Variants in TENM1 observed in about 807,000 individuals in gnomAD.
TENM1 encodes the protein teneurin-1.
A neutral mutation model predicts 174.8 loss-of-function variants in TENM1; 35 were observed. That is an observed-to-expected ratio of 0.20 (90% CI 0.15 to 0.27). The LOEUF (loss-of-function observed/expected upper bound fraction) is 0.27. TENM1 is among the 10% of genes least tolerant of loss of function. The pLI, the probability that TENM1 is intolerant of heterozygous loss-of-function variation, is 1.00. For missense variants in TENM1, 1,633 were observed against 2,130.1 expected (o/e 0.77, Z 4.59); for synonymous variants, 781 against 798.7 (o/e 0.98, Z 0.37).
exon 32 of TENM1, chrX:124,380,864 C>T (rs780693459): frequency 8.3e-7 from 1 of 1,209,687 alleles, no homozygotes; most frequent in South Asian, 1.8e-5. Flanking sequence ...TGCAAACCGT[C>T]TAGTCCTCCC....
chrX:125,199,758 C>G, the TENM1 span, among the ~76,000 whole-genome samples: 1 of 111,663 alleles, frequency 9.0e-6, no homozygotes, highest in South Asian at 3.7e-4. Context: ...GGATCCATGT[C>G]ACCTGTAAAA....
chrX:124,404,680 T>C (rs1423653267), intron 27 of TENM1, among the ~76,000 whole-genome samples: 1 of 111,306 alleles, frequency 9.0e-6, no homozygotes, highest in Non-Finnish European at 1.9e-5. Flanking sequence ...GTGAACCTGA[T>C]AGACATCTCC....
chrX:124,811,474 C>T (rs2055772229), intron 3 of TENM1, among the ~76,000 whole-genome samples: 1 of 111,518 alleles, frequency 9.0e-6, no homozygotes, highest in South Asian at 3.7e-4. Flanking sequence ...TATCACCTCA[C>T]TCCTGTTATG....
chrX:124,966,696 GTCTT>G (rs2058732496), upstream of TENM1, among the ~76,000 whole-genome samples: 1 of 109,636 alleles, frequency 9.1e-6, no homozygotes, highest in South Asian at 3.8e-4. Context: ...GGTACGTCTC[GTCTT>G]TCTTCTTGTC....
chrX:124,391,825 G>A (rs1459557145), intron 28 of TENM1, among the ~76,000 whole-genome samples: 2 of 111,881 alleles, frequency 1.8e-5, no homozygotes, highest in Non-Finnish European at 3.8e-5. Context: ...CCGTTATTCT[G>A]ACTTTAGTCT....
At chrX:125,062,532 T>A in the TENM1 span, among the ~76,000 whole-genome samples, 2 of 112,020 alleles carry the variant, frequency 1.8e-5, no homozygotes, top group South Asian at 7.5e-4. Flanking sequence ...ATAAGAGCAT[T>A]GTTAAAGTCA....
intron 18 of TENM1, among the ~76,000 whole-genome samples, chrX:124,505,428 T>C (rs1241471804): frequency 8.9e-6 from 1 of 111,821 alleles, no homozygotes; most frequent in East Asian, 2.8e-4. Context: ...GTAATCTAGT[T>C]CGTTACACTT....
At chrX:124,894,233 G>T (rs1245910251) in intron 3 of TENM1, 63 bp downstream of exon 6, 1 of 908,984 alleles carries the variant, frequency 1.1e-6, no homozygotes. Context: ...TTTTGTGGGG[G>T]TAGGGTGCCA....
At chrX:124,430,646 A>G (rs889047393) in intron 23 of TENM1, among the ~76,000 whole-genome samples, 34 of 111,968 alleles carry the variant, frequency 3.0e-4, no homozygotes, top group African/African-American at 9.4e-4. Context: ...TGGCTAGTTC[A>G]TAAACTCTTA....
chrX:124,905,969 A>G (rs937102891), intron 1 of TENM1, among the ~76,000 whole-genome samples: 1 of 112,416 alleles, frequency 8.9e-6, no homozygotes, highest in African/African-American at 3.2e-5. Flanking sequence ...GGCATTGAAT[A>G]GAATACTCAA....
At chrX:124,843,604 T>G (rs748943618) in intron 3 of TENM1, among the ~76,000 whole-genome samples, 11 of 112,123 alleles carry the variant, frequency 9.8e-5, no homozygotes, top group Non-Finnish European at 1.7e-4. Flanking sequence ...ATGAGTAGAA[T>G]TAATACATTT....
intron 1 of TENM1, among the ~76,000 whole-genome samples, chrX:124,947,774 A>G (rs1250987159): frequency 8.9e-6 from 1 of 111,857 alleles, no homozygotes; most frequent in East Asian, 2.8e-4. Context: ...GAAGTCACCT[A>G]TGAAGTTAAG....
chrX:124,752,320 C>G (rs1464581183), intron 3 of TENM1, among the ~76,000 whole-genome samples: 2 of 111,851 alleles, frequency 1.8e-5, no homozygotes, highest in East Asian at 5.6e-4. Context: ...ATGTCCTTCG[C>G]CCACTTTTTG....
At chrX:124,909,829 T>C (rs2057808005) in intron 1 of TENM1, among the ~76,000 whole-genome samples, 1 of 112,215 alleles carries the variant, frequency 8.9e-6, no homozygotes, top group South Asian at 3.7e-4. Context: ...TTAACAAAGA[T>C]GAGAGGAATA....
chrX:124,994,914 G>C, the TENM1 span, among the ~76,000 whole-genome samples: 2 of 110,934 alleles, frequency 1.8e-5, no homozygotes, highest in Non-Finnish European at 3.8e-5. Flanking sequence ...GCTTCCCACT[G>C]ATCTTAGGAT....
chrX:124,996,374 G>A, the TENM1 span, among the ~76,000 whole-genome samples: 1 of 110,281 alleles, frequency 9.1e-6, no homozygotes, highest in Non-Finnish European at 1.9e-5. Context: ...ATAGGAAAAC[G>A]TTTGTCTAAT....
chrX:124,777,880 A>G (rs2054820031), intron 3 of TENM1, among the ~76,000 whole-genome samples: 1 of 112,832 alleles, frequency 8.9e-6, no homozygotes, highest in African/African-American at 3.2e-5. Context: ...TGCAGGTCAT[A>G]TAGTCTCTGT....
rs768340741 is a variant in TENM1 at position 124,920,117 on chromosome X, C to T, written c.218-23876G>A. Among the ~76,000 whole-genome samples the T allele has an allele frequency of 1.0e-3, 112 of 110,945 alleles. 1 individual carries two copies. The highest frequency in any genetic ancestry group is 3.5e-3 in the African/African-American group (108 of 30,426). ...TAATTCTGAATCAACAAAAAAAATA[C>T]GGATTAATGAAAATTCCTCATTCCC... On this transcript the variant is annotated intron_variant, in intron 1 of 31. Coordinates refer to ENST00000422452, the Ensembl canonical transcript of TENM1.
chrX:125,180,698 A>G, the TENM1 span, among the ~76,000 whole-genome samples: 1 of 109,828 alleles, frequency 9.1e-6, no homozygotes, highest in Non-Finnish European at 1.9e-5. Context: ...CCACCTTAGT[A>G]GGATACAGGC....
Sources: allele counts gnomAD v4.1 joint callset (sites outside exome capture counted in the v4.1 genomes callset), GRCh38; gene constraint gnomAD v4.1.1; transcripts MANE v1.5; gene names NCBI Gene and HGNC (gene_info 2026-07-23, HGNC 2026-07-21).